STK39: variants seen among roughly 807,000 people sequenced by gnomAD.
The protein encoded by STK39 is STE20/SPS1-related proline-alanine-rich protein kinase.
A neutral mutation model predicts 77.8 loss-of-function variants in STK39; 20 were observed. The ratio of observed to expected loss-of-function variants is 0.26; its 90% CI spans 0.18 to 0.37. STK39 has a LOEUF of 0.37. Among genes scored for constraint, STK39 ranks in the 10% least tolerant of loss-of-function variants. The probability of loss-of-function intolerance (pLI) is 1.00; values close to 1 mark genes in which losing one functional copy is unlikely to be tolerated. For synonymous variants in STK39, 246 were observed against 234.1 expected (o/e 1.05, Z -0.47); for missense variants, 479 against 656.5 (o/e 0.73, Z 2.95).
Position 168,247,515 on chromosome 2 carries a change from C to CA in STK39, c.-81dup, listed in dbSNP as rs946461315. ...GAAACTTCCTTTGCCTCGCCGCCGACACCTCTCGGCCGGCGCACGCCCTCC... is the reference window on the plus strand; with the variant it reads ...GAAACTTCCTTTGCCTCGCCGCCGACAACCTCTCGGCCGGCGCACGCCCTCC... On this transcript the variant is annotated 5_prime_UTR_variant, in exon 1 of 18. Coordinates refer to ENST00000355999, the MANE Select transcript of STK39 (RefSeq NM_013233.3). The CA allele has an allele frequency of 3.9e-5, 42 of 1,065,154 alleles. No homozygotes were observed. Among genetic ancestry groups the CA allele is most frequent in the Non-Finnish European group, 4.8e-5 (41 of 859,364 alleles). The allele number at this position is 1,065,154 out of a possible 1,614,324, so 66.0% of individuals were successfully genotyped here.
intron 10 of STK39, among the ~76,000 whole-genome samples, chr2:168,100,502 G>A (rs760569236): frequency 3.3e-5 from 5 of 152,128 alleles, no homozygotes; most frequent in Non-Finnish European, 4.4e-5. Context: ...GGGCTCAAGC[G>A]ATCCTCCTGC....
At chr2:168,021,704 A>T (rs1264356182) in intron 14 of STK39, among the ~76,000 whole-genome samples, 1 of 152,156 alleles carries the variant, frequency 6.6e-6, no homozygotes, top group Non-Finnish European at 1.5e-5. Context: ...TTAAAATAAA[A>T]ACTCTTAAAT....
At chr2:168,025,991 T>C (rs902978306) in intron 14 of STK39, among the ~76,000 whole-genome samples, 1 of 152,180 alleles carries the variant, frequency 6.6e-6, no homozygotes, top group Non-Finnish European at 1.5e-5. Flanking sequence ...CGGTTTCCTC[T>C]GCAGTAAAAA....
chr2:168,153,569 C>T (rs1441932805), intron 5 of STK39, among the ~76,000 whole-genome samples: 1 of 150,190 alleles, frequency 6.7e-6, no homozygotes, highest in African/African-American at 2.5e-5. Flanking sequence ...TTGAGAGAGC[C>T]ACTGATAGAG....
chr2:168,235,281 G>A (rs1358844965), intron 1 of STK39, among the ~76,000 whole-genome samples: 2 of 151,950 alleles, frequency 1.3e-5, no homozygotes, highest in African/African-American at 4.8e-5. Context: ...CTTGGGATCT[G>A]CCTGTCTCAG....
At chr2:168,152,710 G>A (rs1477391063) in intron 5 of STK39, among the ~76,000 whole-genome samples, 1 of 152,158 alleles carries the variant, frequency 6.6e-6, no homozygotes, top group Non-Finnish European at 1.5e-5. Context: ...TTGCTGTAAG[G>A]AGAGCACCAG....
chr2:168,111,620 AT>A, intron 10 of STK39, among the ~76,000 whole-genome samples: 1 of 152,264 alleles, frequency 6.6e-6, no homozygotes, highest in Admixed American at 6.5e-5. Context: ...GACCCAACTT[AT>A]TTTAGTTCTC....
intron 16 of STK39, among the ~76,000 whole-genome samples, chr2:167,981,704 C>T (rs969432265): frequency 7.2e-5 from 11 of 152,128 alleles, no homozygotes; most frequent in African/African-American, 2.4e-4. Flanking sequence ...ATGGGTTTGG[C>T]GGACTTTTAC....
intron 10 of STK39, among the ~76,000 whole-genome samples, chr2:168,075,603 C>T (rs564966509): frequency 1.3e-5 from 2 of 151,946 alleles, no homozygotes; most frequent in South Asian, 2.1e-4. Flanking sequence ...CCTAAGGAAG[C>T]GCATGCAAGC....
rs1374159725 is a variant in STK39 at position 167,955,643 on chromosome 2, T to C, written c.1564-73A>G. ...GGTTGTTAAAGTCTTGTTCCTATGA[T>C]GGCAGATCTAAGCAAAGGCACAGTT... On this transcript the variant is annotated intron_variant, in intron 17 of 17. Coordinates refer to ENST00000355999, the MANE Select transcript of STK39 (RefSeq NM_013233.3). 6 of 1,484,272 alleles carry C rather than the reference T, an allele frequency of 4.0e-6. No individual in the cohort carries two copies. The Admixed American group carries it at 5.6e-5, about 14-fold the overall frequency. 91.9% of individuals were successfully genotyped at this position (1,484,272 alleles called of 1,614,324 possible).
At chr2:168,215,723 C>A (rs778133428) in intron 1 of STK39, among the ~76,000 whole-genome samples, 15 of 152,106 alleles carry the variant, frequency 9.9e-5, no homozygotes, top group Non-Finnish European at 1.8e-4. Context: ...GGAACAGCAG[C>A]TGGAAATAAT....
chr2:168,001,317 G>T (rs373439654), intron 16 of STK39, among the ~76,000 whole-genome samples: 3 of 150,428 alleles, frequency 2.0e-5, no homozygotes. Flanking sequence ...GGGCACAAAC[G>T]TTGATGATAC....
At chr2:168,139,317 G>A (rs1372787921) in intron 7 of STK39, among the ~76,000 whole-genome samples, 1 of 151,664 alleles carries the variant, frequency 6.6e-6, no homozygotes, top group Non-Finnish European at 1.5e-5. Flanking sequence ...AATTGTTTAC[G>A]CTTCAATTTT....
chr2:167,960,277 G>T (rs1232813235), intron 17 of STK39, among the ~76,000 whole-genome samples: 1 of 152,048 alleles, frequency 6.6e-6, no homozygotes, highest in African/African-American at 2.4e-5. Flanking sequence ...ACTTCTCCAC[G>T]ATGAACCCTC....
intron 14 of STK39, among the ~76,000 whole-genome samples, chr2:168,027,266 G>T (rs972602955): frequency 6.6e-6 from 1 of 152,160 alleles, no homozygotes; most frequent in African/African-American, 2.4e-5. Flanking sequence ...CTCCAAGGCT[G>T]TGAGAATAGT....
chr2:168,196,979 C>T (rs1273634497), intron 1 of STK39, among the ~76,000 whole-genome samples: 1 of 151,960 alleles, frequency 6.6e-6, no homozygotes, highest in Non-Finnish European at 1.5e-5. Flanking sequence ...GTCCTGTAGA[C>T]CAAGGTGAGT....
At chr2:168,234,002 A>C (rs1353776412) in intron 1 of STK39, among the ~76,000 whole-genome samples, 1 of 151,760 alleles carries the variant, frequency 6.6e-6, no homozygotes, top group South Asian at 2.1e-4. Flanking sequence ...TTCACCACAC[A>C]CAAGAATACT....
At chr2:168,093,142 G>T (rs1686570077) in intron 10 of STK39, among the ~76,000 whole-genome samples, 1 of 152,190 alleles carries the variant, frequency 6.6e-6, no homozygotes, top group Non-Finnish European at 1.5e-5. Context: ...CTGTAAGTCA[G>T]AAAGCAGGGA....
intron 1 of STK39, among the ~76,000 whole-genome samples, chr2:168,219,270 A>T (rs1690102699): frequency 6.6e-6 from 1 of 151,500 alleles, no homozygotes; most frequent in African/African-American, 2.4e-5. Flanking sequence ...TGGGTGACAG[A>T]GTGAGACTCT....
Sources: gnomAD v4.1 joint callset for allele counts (sites outside exome capture counted in the v4.1 genomes callset) on GRCh38, gnomAD v4.1.1 for gene constraint, MANE v1.5 for transcripts, NCBI Gene and HGNC (gene_info 2026-07-23, HGNC 2026-07-21) for gene names.